Variants in MYT1L observed in about 807,000 individuals in gnomAD.
MYT1L encodes the protein myelin transcription factor 1-like protein.
In MYT1L, 12 loss-of-function variants were observed where a neutral mutation model predicts 126.7. That is an observed-to-expected ratio of 0.09 (90% CI 0.06 to 0.15). MYT1L has a LOEUF of 0.15. Ranked by LOEUF, MYT1L falls within the 10% of genes least tolerant of loss-of-function variation. The pLI, the probability that MYT1L is intolerant of heterozygous loss-of-function variation, is 1.00. For missense variants in MYT1L, 979 were observed against 1,585.2 expected, an observed-to-expected ratio of 0.62 and a Z score of 6.49; for synonymous variants, 541 against 604.2, an observed-to-expected ratio of 0.90 and a Z score of 1.53.
chr2:2,256,242 T>C (rs1280580368), intron 2 of MYT1L, among the ~76,000 whole-genome samples: 2 of 152,214 alleles, frequency 1.3e-5, no homozygotes, highest in African/African-American at 4.8e-5. Flanking sequence ...CCGAGGCCAG[T>C]GTGGGCACCA....
At chr2:2,290,655 T>C (rs2095585455) in intron 1 of MYT1L, among the ~76,000 whole-genome samples, 2 of 152,146 alleles carry the variant, frequency 1.3e-5, no homozygotes, top group Non-Finnish European at 2.9e-5. Flanking sequence ...TGCTCTGACG[T>C]AGAGGCAGGA....
intron 3 of MYT1L, among the ~76,000 whole-genome samples, chr2:2,074,378 C>T (rs1205872221): frequency 1.3e-5 from 2 of 152,228 alleles, no homozygotes; most frequent in Non-Finnish European, 2.9e-5. Context: ...AACACATCCA[C>T]TGTGAGTCTG....
At chr2:1,886,448 A>G (rs962632310) in intron 18 of MYT1L, 91 bp downstream of exon 18, 23 of 950,128 alleles carry the variant, frequency 2.4e-5, no homozygotes, top group Middle Eastern at 2.8e-4. Context: ...TTTTTAACAG[A>G]CATTTTTCTT....
intron 4 of MYT1L, among the ~76,000 whole-genome samples, chr2:2,005,697 C>T (rs1412114074): frequency 7.3e-3 from 563 of 77,324 alleles, no homozygotes; most frequent in Middle Eastern, 0.058. Flanking sequence ...CGTGCCTTCT[C>T]TCCTGCAGGC....
At chr2:2,295,663 CAGAGAGAGAGAGAG>C (rs377336266) in intron 1 of MYT1L, among the ~76,000 whole-genome samples, 1 of 32,194 alleles carries the variant, frequency 3.1e-5, no homozygotes, top group Non-Finnish European at 5.9e-5. Flanking sequence ...GACAGACAGA[CAGAGAGAGAGAGAG>C]AGACAGACAG....
intron 2 of MYT1L, among the ~76,000 whole-genome samples, chr2:2,277,485 G>A (rs1376416906): frequency 1.3e-5 from 2 of 152,170 alleles, no homozygotes; most frequent in African/African-American, 4.8e-5. Flanking sequence ...GTGCATCATG[G>A]CCAGAACAGA....
intron 2 of MYT1L, among the ~76,000 whole-genome samples, chr2:2,230,681 C>A (rs1192650320): frequency 1.3e-5 from 2 of 152,182 alleles, no homozygotes; most frequent in Admixed American, 1.3e-4. Flanking sequence ...GCGGGCTCCA[C>A]CGGCACCAAA....
intron 2 of MYT1L, among the ~76,000 whole-genome samples, chr2:2,210,611 G>C (rs2093471423): frequency 6.6e-6 from 1 of 152,086 alleles, no homozygotes; most frequent in African/African-American, 2.4e-5. Flanking sequence ...CCAGTTCCAT[G>C]CTGTTTTGAT....
intron 8 of MYT1L, among the ~76,000 whole-genome samples, chr2:1,972,722 G>A (rs1024383868): frequency 7.9e-5 from 12 of 152,218 alleles, no homozygotes; most frequent in African/African-American, 2.2e-4. Context: ...TATTCACCAC[G>A]CTGTGCCATG....
At chr2:2,038,967 A>C (rs572668637) in intron 4 of MYT1L, among the ~76,000 whole-genome samples, 1 of 152,168 alleles carries the variant, frequency 6.6e-6, no homozygotes, top group South Asian at 2.1e-4. Flanking sequence ...GCCCTGGCAC[A>C]CTGGGTTGTG....
intron 19 of MYT1L, among the ~76,000 whole-genome samples, chr2:1,850,393 T>C (rs997832077): frequency 6.6e-6 from 1 of 152,144 alleles, no homozygotes; most frequent in Non-Finnish European, 1.5e-5. Flanking sequence ...GTTTATTTGA[T>C]AGATGCAGCA....
At chr2:1,859,386 A>G (rs991852391) in intron 18 of MYT1L, among the ~76,000 whole-genome samples, 3 of 152,226 alleles carry the variant, frequency 2.0e-5, no homozygotes, top group Non-Finnish European at 4.4e-5. Flanking sequence ...TACCCTTATC[A>G]TAATTTTTTA....
chr2:1,791,789 A>G lies in MYT1L; in HGVS notation c.*78T>C. 7.6e-7 allele frequency: 1 copy of G among 1,319,110 alleles called. No homozygotes were observed. The highest frequency in any genetic ancestry group is 1.0e-6 in the Non-Finnish European group (1 of 979,060). The allele number at this position is 1,319,110 out of a possible 1,614,324, so 81.7% of individuals were successfully genotyped here. A position where few individuals can be genotyped will look rare whatever the true frequency, so the allele number is the denominator to read the frequency against. On this transcript the variant is annotated 3_prime_UTR_variant, in exon 25 of 25. Transcript: ENST00000647738. This position sits in a 1 kb window ranked among gnomAD's most constrained non-coding sequence, Gnocchi z 6.0. ...AAATTCAAACAGAAATAAATATAGAACACTTTCTGGTAAGTTACAGCAGCA... is the reference window on the plus strand; with the variant it reads ...AAATTCAAACAGAAATAAATATAGAGCACTTTCTGGTAAGTTACAGCAGCA...
intron 3 of MYT1L, among the ~76,000 whole-genome samples, chr2:2,068,509 T>C (rs575737308): frequency 8.0e-4 from 122 of 152,262 alleles, no homozygotes; most frequent in Non-Finnish European, 1.5e-3. Flanking sequence ...ACATTCCATA[T>C]TAGCTAAAAT....
chr2:1,899,064 G>T (rs1398670337), intron 14 of MYT1L, among the ~76,000 whole-genome samples: 1 of 150,720 alleles, frequency 6.6e-6, no homozygotes, highest in Non-Finnish European at 1.5e-5. Context: ...AGCCCATTTG[G>T]GGGCTGGTAA....
At chr2:2,025,067 C>G (rs1353988355) in intron 4 of MYT1L, among the ~76,000 whole-genome samples, 1 of 152,192 alleles carries the variant, frequency 6.6e-6, no homozygotes, top group Admixed American at 6.5e-5. Flanking sequence ...TTCTTTTTTA[C>G]TGTGGACATG....
intron 3 of MYT1L, among the ~76,000 whole-genome samples, chr2:2,131,451 A>T (rs2082337757): frequency 1.3e-5 from 2 of 152,132 alleles, no homozygotes; most frequent in Admixed American, 6.5e-5. Context: ...TTAAAATGTC[A>T]TTTTATTGGT....
intron 19 of MYT1L, among the ~76,000 whole-genome samples, chr2:1,850,414 T>C (rs1194471058): frequency 6.6e-6 from 1 of 152,166 alleles, no homozygotes; most frequent in Non-Finnish European, 1.5e-5. Flanking sequence ...CTGTTTCCCA[T>C]ACAGGGAGAC....
chr2:2,113,662 G>C (rs895451093), intron 3 of MYT1L, among the ~76,000 whole-genome samples: 1 of 152,154 alleles, frequency 6.6e-6, no homozygotes, highest in African/African-American at 2.4e-5. Context: ...CTGCTGCCTC[G>C]GGTGAGTTCA....
Sources: allele counts gnomAD v4.1 joint callset (sites outside exome capture counted in the v4.1 genomes callset), GRCh38; gene constraint gnomAD v4.1.1; non-coding constraint Gnocchi (gnomAD v3.1); transcripts MANE v1.5; gene names NCBI Gene and HGNC (gene_info 2026-07-23, HGNC 2026-07-21).